DCC: variants seen among roughly 807,000 people sequenced by gnomAD.
DCC encodes netrin receptor DCC.
A neutral mutation model predicts 172.5 loss-of-function variants in DCC; 58 were observed. The observed-to-expected ratio is 0.34, with a 90% CI of 0.27 to 0.42. DCC has a LOEUF of 0.42. Ranked by LOEUF, DCC falls within the 10% of genes least tolerant of loss-of-function variation. The probability of loss-of-function intolerance (pLI) is 1.00; values close to 1 mark genes in which losing one functional copy is unlikely to be tolerated. For synonymous variants in DCC, 709 were observed against 644.5 expected, an observed-to-expected ratio of 1.10 and a Z score of -1.52; for missense variants, 1,740 against 1,791.0, an observed-to-expected ratio of 0.97 and a Z score of 0.51.
chr18:52,879,665 C>A (rs927315458), intron 2 of DCC, among the ~76,000 whole-genome samples: 2 of 152,078 alleles, frequency 1.3e-5, no homozygotes, highest in Middle Eastern at 3.4e-3. Flanking sequence ...CTCCTGACCT[C>A]ATGGTCTGCT....
chr18:53,435,279 G>A (rs1911867345), intron 22 of DCC, 70 bp downstream of exon 22: 1 of 1,042,176 alleles, frequency 9.6e-7, no homozygotes, highest in South Asian at 1.3e-5. Flanking sequence ...AGTGTCTGGG[G>A]CAAATTTTCT....
intron 5 of DCC, among the ~76,000 whole-genome samples, chr18:52,930,035 G>A (rs568828718): frequency 6.6e-6 from 1 of 151,998 alleles, no homozygotes; most frequent in Admixed American, 6.6e-5. Flanking sequence ...GTGGCCTTGA[G>A]TTCGTGGTGT....
chr18:52,620,504 A>G (rs74657261), intron 1 of DCC, among the ~76,000 whole-genome samples: 6,196 of 152,282 alleles, frequency 0.041, 241 homozygotes, highest in East Asian at 0.091. Context: ...AAGCCCATTT[A>G]AAGTTGTATA....
At chr18:53,153,587 G>T (rs1458413136) in intron 7 of DCC, among the ~76,000 whole-genome samples, 1 of 152,108 alleles carries the variant, frequency 6.6e-6, no homozygotes, top group Non-Finnish European at 1.5e-5. Flanking sequence ...TATTTGTCAA[G>T]TTGAACCCCA....
chr18:52,700,860 T>C (rs1465638104), intron 1 of DCC, among the ~76,000 whole-genome samples: 3 of 152,216 alleles, frequency 2.0e-5, no homozygotes, highest in African/African-American at 4.8e-5. Context: ...TACCTTAAAG[T>C]AAAGGTATTA....
At chr18:52,477,498 A>G (rs1294306910) in intron 1 of DCC, among the ~76,000 whole-genome samples, 1 of 152,206 alleles carries the variant, frequency 6.6e-6, no homozygotes, top group Non-Finnish European at 1.5e-5. Flanking sequence ...ACAGGTTCAG[A>G]GAAGGCCATG....
intron 7 of DCC, among the ~76,000 whole-genome samples, chr18:53,078,311 A>C (rs1275667598): frequency 6.6e-6 from 1 of 152,156 alleles, no homozygotes; most frequent in Non-Finnish European, 1.5e-5. Flanking sequence ...AAGTAAATAC[A>C]TAAATAAATT....
chr18:52,469,030 G>GATTT (rs3086373), intron 1 of DCC, among the ~76,000 whole-genome samples: 125 of 145,768 alleles, frequency 8.6e-4, no homozygotes, highest in African/African-American at 2.1e-3. Flanking sequence ...AAACAATTTT[G>GATTT]ATTTATTTAT....
At chr18:53,067,000 CAGG>C (rs2042580784) in intron 7 of DCC, among the ~76,000 whole-genome samples, 1 of 152,032 alleles carries the variant, frequency 6.6e-6, no homozygotes, top group South Asian at 2.1e-4. Context: ...CAGTCACTAT[CAGG>C]AGAACACTAC....
intron 1 of DCC, among the ~76,000 whole-genome samples, chr18:52,654,525 T>C (rs1449060292): frequency 6.6e-6 from 1 of 152,176 alleles, no homozygotes; most frequent in Admixed American, 6.5e-5. Context: ...AGGCCTCTCT[T>C]TGGCTTATGG....
At chr18:52,718,479 AT>A (rs1447261108) in intron 1 of DCC, among the ~76,000 whole-genome samples, 1 of 152,060 alleles carries the variant, frequency 6.6e-6, no homozygotes, top group African/African-American at 2.4e-5. Context: ...AAGCTGCCTT[AT>A]TTCTTTGAAG....
chr18:52,458,270 A>G (rs998482053), intron 1 of DCC, among the ~76,000 whole-genome samples: 3 of 152,138 alleles, frequency 2.0e-5, no homozygotes, highest in Non-Finnish European at 4.4e-5. Flanking sequence ...TGGTCCTGAC[A>G]GTAGTTTATC....
Position 53,435,006 on chromosome 18 carries a change from G to T in DCC, c.3164-138G>T, listed in dbSNP as rs1426799483. 11 of 733,538 alleles carry T rather than the reference G, an allele frequency of 1.5e-5. No individual in the cohort carries two copies. In the East Asian group the frequency reaches 1.7e-4, roughly 12 times the overall value. 45.4% of individuals were successfully genotyped at this position (733,538 alleles called of 1,614,324 possible). A position where few individuals can be genotyped will look rare whatever the true frequency, so the allele number is the denominator to read the frequency against. ...AATAACATTTTCTTATAGGTGTAAG[G>T]GTATGAGAGTTGTCAGGCTTTCTTG... On this transcript the variant is annotated intron_variant, in intron 21 of 28. Coordinates refer to ENST00000442544, the MANE Select transcript of DCC (RefSeq NM_005215.4).
At chr18:52,889,226 A>T (rs2039613810) in intron 2 of DCC, among the ~76,000 whole-genome samples, 1 of 152,118 alleles carries the variant, frequency 6.6e-6, no homozygotes, top group Non-Finnish European at 1.5e-5. Context: ...AAATGATTGA[A>T]TATATTTGAT....
At chr18:53,511,699 G>A (rs376956577) in intron 27 of DCC, among the ~76,000 whole-genome samples, 2 of 152,200 alleles carry the variant, frequency 1.3e-5, no homozygotes, top group South Asian at 2.1e-4. Context: ...AAGGGGTGAC[G>A]GACGGCACCT....
intron 1 of DCC, among the ~76,000 whole-genome samples, chr18:52,351,805 A>G (rs929424853): frequency 1.1e-4 from 16 of 152,050 alleles, no homozygotes; most frequent in Non-Finnish European, 2.1e-4. Context: ...CCCTATTACT[A>G]TTTCTTAAAA....
chr18:52,920,020 C>CAAAAA (rs373883714), intron 3 of DCC, among the ~76,000 whole-genome samples: 5 of 100,126 alleles, frequency 5.0e-5, no homozygotes, highest in Non-Finnish European at 7.9e-5. Flanking sequence ...TGTCCATATA[C>CAAAAA]AAAAAAAAAA....
chr18:52,943,800 AG>A (rs1360988705), intron 5 of DCC, among the ~76,000 whole-genome samples: 2 of 152,054 alleles, frequency 1.3e-5, no homozygotes, highest in African/African-American at 4.8e-5. Context: ...CCCAGACTGA[AG>A]TGCAGTGGTG....
intron 1 of DCC, among the ~76,000 whole-genome samples, chr18:52,374,480 A>G (rs545609778): frequency 3.9e-5 from 6 of 152,116 alleles, no homozygotes; most frequent in African/African-American, 1.4e-4. Flanking sequence ...GTTTACTTGA[A>G]CTGAATATAT....
Sources: gnomAD v4.1 joint callset for allele counts (sites outside exome capture counted in the v4.1 genomes callset) on GRCh38, gnomAD v4.1.1 for gene constraint, MANE v1.5 for transcripts, NCBI Gene and HGNC (gene_info 2026-07-23, HGNC 2026-07-21) for gene names.